Variants in KIF16B observed in about 807,000 individuals in gnomAD.
KIF16B encodes the protein kinesin-like protein KIF16B.
A neutral mutation model predicts 156.3 loss-of-function variants in KIF16B; 98 were observed. The ratio of observed to expected loss-of-function variants is 0.63; its 90% CI spans 0.53 to 0.74. The LOEUF (loss-of-function observed/expected upper bound fraction) is 0.74. KIF16B is among the 30% of genes least tolerant of loss of function. KIF16B has a pLI of 0.00. For synonymous variants in KIF16B, 564 were observed against 583.7 expected, an observed-to-expected ratio of 0.97 and a Z score of 0.49; for missense variants, 1,421 against 1,606.5, an observed-to-expected ratio of 0.88 and a Z score of 1.97.
intron 25 of KIF16B, among the ~76,000 whole-genome samples, chr20:16,280,856 G>C (rs1445318271): frequency 1.3e-5 from 2 of 152,032 alleles, no homozygotes; most frequent in Non-Finnish European, 2.9e-5. Flanking sequence ...GTGTGTGTGT[G>C]TGTGTGTGTG....
At chr20:16,284,118 T>C (rs77829948) in intron 25 of KIF16B, among the ~76,000 whole-genome samples, 3,950 of 152,322 alleles carry the variant, frequency 0.026, 64 homozygotes, top group Middle Eastern at 0.044. Flanking sequence ...TTGATCTGCC[T>C]GATCACGGGA....
At chr20:16,481,647 C>CA (rs1461339984) in intron 12 of KIF16B, among the ~76,000 whole-genome samples, 1 of 152,026 alleles carries the variant, frequency 6.6e-6, no homozygotes, top group African/African-American at 2.4e-5. Flanking sequence ...ATTACGAGAA[C>CA]AAAAAAGGCT....
At chr20:16,386,279 CAG>C (rs1427567011) in intron 17 of KIF16B, among the ~76,000 whole-genome samples, 1 of 151,982 alleles carries the variant, frequency 6.6e-6, no homozygotes, top group Non-Finnish European at 1.5e-5. Flanking sequence ...GTTAGAGACT[CAG>C]AGAAAAATCT....
intron 23 of KIF16B, among the ~76,000 whole-genome samples, chr20:16,355,051 A>G (rs2064411949): frequency 6.6e-6 from 1 of 152,068 alleles, no homozygotes; most frequent in Non-Finnish European, 1.5e-5. Context: ...TTCTAACGGA[A>G]AACTTAGTAT....
intron 1 of KIF16B, among the ~76,000 whole-genome samples, chr20:16,531,556 C>T (rs1036544721): frequency 9.2e-5 from 14 of 152,254 alleles, no homozygotes; most frequent in African/African-American, 3.4e-4. Flanking sequence ...CAGGGATGGC[C>T]TGACTCTGAC....
intron 12 of KIF16B, among the ~76,000 whole-genome samples, chr20:16,484,036 G>A (rs1398580090): frequency 1.3e-5 from 2 of 152,124 alleles, no homozygotes; most frequent in Non-Finnish European, 2.9e-5. Flanking sequence ...CTCTCTGACC[G>A]TAGCAATAAA....
chr20:16,279,566 A>G (rs2063115539), intron 25 of KIF16B, among the ~76,000 whole-genome samples: 1 of 152,154 alleles, frequency 6.6e-6, no homozygotes, highest in African/African-American at 2.4e-5. Context: ...TTCCTTGTAG[A>G]ACACAATCAA....
chr20:16,494,959 C>T (rs552703626), intron 11 of KIF16B, among the ~76,000 whole-genome samples: 151 of 152,258 alleles, frequency 9.9e-4, no homozygotes, highest in Non-Finnish European at 1.2e-3. Flanking sequence ...GGAGTAAACA[C>T]GCTCAACCGC....
At chr20:16,472,148 C>T (rs1386156540) in intron 12 of KIF16B, among the ~76,000 whole-genome samples, 1 of 152,236 alleles carries the variant, frequency 6.6e-6, no homozygotes, top group Non-Finnish European at 1.5e-5. Context: ...GTTTCTTGGA[C>T]ACAGCCATGT....
intron 24 of KIF16B, among the ~76,000 whole-genome samples, chr20:16,318,580 A>C (rs2063731304): frequency 1.3e-5 from 2 of 152,198 alleles, no homozygotes; most frequent in South Asian, 4.1e-4. Context: ...ACATCAAGTG[A>C]AAGAGCTCCC....
At chr20:16,399,018 G>C (rs904668461) in intron 17 of KIF16B, among the ~76,000 whole-genome samples, 4 of 152,186 alleles carry the variant, frequency 2.6e-5, no homozygotes, top group African/African-American at 9.7e-5. Flanking sequence ...TGGCCTAAGA[G>C]GGGGAAAGTA....
At position 16,487,163 on chromosome 20, in the gene KIF16B, G is replaced by A. The variant is rs6105613; in HGVS notation, c.1302+7128C>T. Among the ~76,000 whole-genome samples, 878 of 152,052 alleles carry A rather than the reference G, an allele frequency of 5.8e-3. 3 individuals carry two copies. The highest frequency in any genetic ancestry group is 0.01 in the Middle Eastern group (3 of 294). On this transcript the variant is annotated intron_variant, in intron 12 of 25. Coordinates refer to ENST00000354981, the MANE Select transcript of KIF16B (RefSeq NM_024704.5). ...AGCTACTTGGGAGGCTGAGGCAGGA[G>A]AATGGCATGAATCCGGAGGCGGAGC... is the stretch of plus-strand genomic sequence containing the variant.
intron 12 of KIF16B, among the ~76,000 whole-genome samples, chr20:16,458,747 T>C (rs1002842972): frequency 2.0e-4 from 30 of 151,616 alleles, no homozygotes; most frequent in African/African-American, 4.4e-4. Flanking sequence ...TACAGGTATA[T>C]ACACACACAC....
chr20:16,339,398 C>T (rs1034513510), intron 23 of KIF16B, among the ~76,000 whole-genome samples: 1 of 152,122 alleles, frequency 6.6e-6, no homozygotes, highest in East Asian at 1.9e-4. Context: ...TTCTAAACAT[C>T]GAGTCCTCCA....
intron 15 of KIF16B, among the ~76,000 whole-genome samples, chr20:16,408,990 C>A (rs1267155061): frequency 1.3e-5 from 2 of 152,086 alleles, no homozygotes; most frequent in African/African-American, 4.8e-5. Context: ...CAGAGTTGAG[C>A]AATTCAGACA....
At chr20:16,508,612 G>C (rs979165449) in intron 6 of KIF16B, among the ~76,000 whole-genome samples, 4 of 152,130 alleles carry the variant, frequency 2.6e-5, no homozygotes, top group Admixed American at 6.5e-5. Context: ...CCACTGATCT[G>C]ACAGGAGGCA....
chr20:16,488,034 C>A (rs190187632), intron 12 of KIF16B, among the ~76,000 whole-genome samples: 88 of 152,348 alleles, frequency 5.8e-4, no homozygotes, highest in Non-Finnish European at 8.8e-4. Flanking sequence ...TGCATGTGAG[C>A]GCCTGCTTCT....
intron 1 of KIF16B, among the ~76,000 whole-genome samples, chr20:16,557,370 G>A (rs549175968): frequency 6.6e-6 from 1 of 152,062 alleles, no homozygotes; most frequent in South Asian, 2.1e-4. Context: ...AGTAGAGATG[G>A]GGTTTCACCA....
chr20:16,570,846 G>A (rs546170267), intron 1 of KIF16B, among the ~76,000 whole-genome samples: 3 of 152,188 alleles, frequency 2.0e-5, no homozygotes, highest in African/African-American at 7.2e-5. Context: ...TCCTAAAGAG[G>A]GGCATATCCC....
Sources: allele counts gnomAD v4.1 joint callset (sites outside exome capture counted in the v4.1 genomes callset), GRCh38; gene constraint gnomAD v4.1.1; transcripts MANE v1.5; gene names NCBI Gene and HGNC (gene_info 2026-07-23, HGNC 2026-07-21).